The following PCDH15 variants were observed in gnomAD, a reference collection of about 807,000 sequenced individuals.
The protein encoded by PCDH15 is protocadherin related 15.
A neutral mutation model predicts 178.5 loss-of-function variants in PCDH15; 129 were observed. That is an observed-to-expected ratio of 0.72 (90% CI 0.63 to 0.84). The LOEUF is 0.84. Among genes scored for constraint, PCDH15 ranks in the 40% least tolerant of loss-of-function variants. The pLI, the probability that PCDH15 is intolerant of heterozygous loss-of-function variation, is 0.00. For missense variants in PCDH15, 2,230 were observed against 2,099.9 expected (o/e 1.06, Z -1.21); for synonymous variants, 800 against 732.0 (o/e 1.09, Z -1.50).
chr10:54,472,838 G>A (rs990808493), intron 3 of PCDH15, among the ~76,000 whole-genome samples: 2 of 152,094 alleles, frequency 1.3e-5, no homozygotes, highest in Non-Finnish European at 2.9e-5. Flanking sequence ...AGAGGCATGG[G>A]AAGAGAGGAA....
intron 7 of PCDH15, 82 bp from the exon 8 acceptor site, chr10:54,317,523 C>G (rs910291560): frequency 1.9e-6 from 3 of 1,541,534 alleles, no homozygotes; most frequent in African/African-American, 2.7e-5. Context: ...ACCTGTAATC[C>G]CAGAACTTTG....
intron 2 of PCDH15, among the ~76,000 whole-genome samples, chr10:55,358,029 C>T (rs1845122964): frequency 6.6e-6 from 1 of 152,064 alleles, no homozygotes; most frequent in Admixed American, 6.6e-5. Context: ...AGCAGCCCAA[C>T]ACAAGAGTAA....
intron 8 of PCDH15, among the ~76,000 whole-genome samples, chr10:54,271,706 T>A (rs117847687): frequency 6.6e-6 from 1 of 152,258 alleles, no homozygotes; most frequent in Non-Finnish European, 1.5e-5. Flanking sequence ...TAAAGTGTAA[T>A]AATTCTTATA....
intron 2 of PCDH15, chr10:54,599,571 C>A: frequency 4.2e-6 from 1 of 239,968 alleles, no homozygotes; most frequent in Non-Finnish European, 8.1e-6. Context: ...ACAACATAGG[C>A]AATACTATTC....
intron 5 of PCDH15, among the ~76,000 whole-genome samples, chr10:54,365,661 C>T (rs1946682358): frequency 6.6e-6 from 1 of 152,014 alleles, no homozygotes; most frequent in African/African-American, 2.4e-5. Context: ...AGATTTGTCT[C>T]CAAAACTTGC....
intron 2 of PCDH15, among the ~76,000 whole-genome samples, chr10:54,642,370 G>C (rs1385233038): frequency 2.0e-5 from 3 of 152,120 alleles, no homozygotes; most frequent in Middle Eastern, 3.2e-3. Context: ...TCAATTTATA[G>C]TGCTATGTTA....
intron 1 of PCDH15, among the ~76,000 whole-genome samples, chr10:55,232,312 G>A (rs1841249879): frequency 6.6e-6 from 1 of 151,560 alleles, no homozygotes; most frequent in South Asian, 2.1e-4. Context: ...AATATTTTGT[G>A]GATTAACATT....
At chr10:54,866,504 A>C (rs1013244181) in intron 3 of PCDH15, among the ~76,000 whole-genome samples, 2 of 152,218 alleles carry the variant, frequency 1.3e-5, no homozygotes, top group African/African-American at 4.8e-5. Flanking sequence ...AATGAAGTAA[A>C]AAATCAAAGA....
intron 1 of PCDH15, among the ~76,000 whole-genome samples, chr10:54,765,966 A>G (rs779885594): frequency 5.3e-5 from 8 of 152,182 alleles, no homozygotes; most frequent in Non-Finnish European, 1.2e-4. Flanking sequence ...ACTTTACACT[A>G]AATACTCCAT....
At chr10:55,445,900 A>T (rs569868413) in intron 2 of PCDH15, among the ~76,000 whole-genome samples, 5 of 152,116 alleles carry the variant, frequency 3.3e-5, no homozygotes, top group Non-Finnish European at 7.4e-5. Context: ...GGAAAAACTG[A>T]ATCAGAGAAG....
At chr10:55,097,476 C>T (rs1425877542) in intron 2 of PCDH15, among the ~76,000 whole-genome samples, 2 of 152,086 alleles carry the variant, frequency 1.3e-5, no homozygotes, top group Non-Finnish European at 2.9e-5. Flanking sequence ...CAAGAGATGT[C>T]CCAACTTCTG....
At chr10:54,804,477 C>A (rs1034701773), upstream of PCDH15, among the ~76,000 whole-genome samples, 10 of 152,068 alleles carry the variant, frequency 6.6e-5, no homozygotes, top group Non-Finnish European at 1.5e-4. Flanking sequence ...CATGCTGAAT[C>A]TTTCCCTTAT....
chr10:55,561,128 C>A (rs1240218519), intron 2 of PCDH15, among the ~76,000 whole-genome samples: 2 of 151,654 alleles, frequency 1.3e-5, no homozygotes, highest in African/African-American at 2.4e-5. Context: ...AATACTTTCA[C>A]AGAACAAAGG....
At chr10:54,878,932 ATTAT>A (rs1370047587) in intron 3 of PCDH15, among the ~76,000 whole-genome samples, 1 of 152,162 alleles carries the variant, frequency 6.6e-6, no homozygotes, top group Non-Finnish European at 1.5e-5. Flanking sequence ...TTTGGTTGAA[ATTAT>A]TTATTTATAA....
Position 53,857,228 on chromosome 10 carries a change from A to G in PCDH15, c.3753T>C (p.Ile1251=), listed in dbSNP as rs139873638. 172 of 1,612,116 alleles carry G rather than the reference A, an allele frequency of 1.1e-4. 1 individual carries two copies. The highest frequency in any genetic ancestry group is 9.6e-4 in the South Asian group (87 of 91,002). Residue 1251 remains isoleucine (I), a synonymous_variant, in exon 28 of 38, where the codon ATT becomes ATC. Coordinates refer to ENST00000644397, the MANE Select transcript of PCDH15 (RefSeq NM_001384140.1). ...SVVNQLDMQV[I]VSNVPPTLVE... Reference sequence around the variant, plus strand: ...CTAGAGTAGGAGGCACATTGGAAACAATGACTTGCATATCCAGCTGATTGA... The same window carrying G: ...CTAGAGTAGGAGGCACATTGGAAACGATGACTTGCATATCCAGCTGATTGA...
intron 23 of PCDH15, among the ~76,000 whole-genome samples, chr10:53,959,515 G>A (rs1247002762): frequency 6.6e-6 from 1 of 151,918 alleles, no homozygotes; most frequent in Admixed American, 6.6e-5. Flanking sequence ...TTTTTAAAAA[G>A]TATCCATTAT....
intron 10 of PCDH15, among the ~76,000 whole-genome samples, chr10:54,196,898 G>A (rs1010925855): frequency 4.6e-5 from 7 of 152,162 alleles, no homozygotes; most frequent in Non-Finnish European, 1.0e-4. Context: ...AAATTTACAA[G>A]AGTCGAATGT....
chr10:54,708,797 TGTGTGC>T (rs1034347410), intron 1 of PCDH15, among the ~76,000 whole-genome samples: 5 of 147,688 alleles, frequency 3.4e-5, no homozygotes, highest in East Asian at 2.0e-4. Context: ...TGTGTGTGTG[TGTGTGC>T]GCGCGCGTGC....
intron 2 of PCDH15, among the ~76,000 whole-genome samples, chr10:55,343,505 C>G (rs978526253): frequency 6.6e-6 from 1 of 151,754 alleles, no homozygotes; most frequent in Admixed American, 6.6e-5. Flanking sequence ...CACATGTCAC[C>G]TCTTCTTACC....
Sources: gnomAD v4.1 joint callset for allele counts (sites outside exome capture counted in the v4.1 genomes callset) on GRCh38, gnomAD v4.1.1 for gene constraint, MANE v1.5 for transcripts, NCBI Gene and HGNC (gene_info 2026-07-23, HGNC 2026-07-21) for gene names.